The following CNTNAP2 variants were observed in gnomAD, a reference collection of about 807,000 sequenced individuals.
CNTNAP2 encodes the protein contactin associated protein 2, also known as contactin-associated protein-like 2.
In CNTNAP2, 98 loss-of-function variants were observed where a neutral mutation model predicts 155.2. That is an observed-to-expected ratio of 0.63 (90% CI 0.54 to 0.75). The LOEUF (loss-of-function observed/expected upper bound fraction) is 0.75. CNTNAP2 is among the 30% of genes least tolerant of loss of function. CNTNAP2 has a pLI of 0.00. For synonymous variants in CNTNAP2, 651 were observed against 631.2 expected (o/e 1.03, Z -0.47); for missense variants, 1,727 against 1,688.1 (o/e 1.02, Z -0.40).
At chr7:146,659,394 TAGG>T (rs1800047982) in intron 1 of CNTNAP2, among the ~76,000 whole-genome samples, 1 of 152,158 alleles carries the variant, frequency 6.6e-6, no homozygotes, top group African/African-American at 2.4e-5. Flanking sequence ...TAGAAGTTAT[TAGG>T]AGATGAAATT....
chr7:146,772,520 A>T (rs1280957632), intron 1 of CNTNAP2, among the ~76,000 whole-genome samples: 8 of 148,870 alleles, frequency 5.4e-5, no homozygotes, highest in Non-Finnish European at 1.2e-4. Flanking sequence ...AAAAAAAAAA[A>T]TAGCTGTACT....
At chr7:148,098,183 C>T (rs1478228825) in intron 15 of CNTNAP2, among the ~76,000 whole-genome samples, 6 of 152,078 alleles carry the variant, frequency 3.9e-5, no homozygotes, top group African/African-American at 1.4e-4. Flanking sequence ...CAGTGGCTCA[C>T]GCCTGTAGTC....
chr7:146,269,338 CAAAT>C lies in CNTNAP2; in HGVS notation c.97+152366_97+152369del, dbSNP rs200514831. On this transcript the variant is annotated intron_variant, in intron 1 of 23. Coordinates refer to ENST00000361727, the MANE Select transcript of CNTNAP2 (RefSeq NM_014141.6). The stretch of plus-strand genomic sequence containing the variant: ...CTGGTGACAGAGCGAGACTCCATCT[CAAAT>C]CAATCAATCAATCAATCAATCAATC... Among the ~76,000 whole-genome samples the C allele has an allele frequency of 6.5e-3, 943 of 146,014 alleles. 7 individuals carry two copies. Among genetic ancestry groups the C allele is most frequent in the Non-Finnish European group, 1.0e-2 (678 of 67,964 alleles).
At chr7:146,542,693 C>T (rs539717351) in intron 1 of CNTNAP2, among the ~76,000 whole-genome samples, 2 of 152,006 alleles carry the variant, frequency 1.3e-5, no homozygotes, top group South Asian at 4.1e-4. Flanking sequence ...AGCTGGAAGG[C>T]TTTAACTTAA....
At position 148,345,088 on chromosome 7, in the gene CNTNAP2, G is replaced by A. The variant is rs187112115; in HGVS notation, c.3476-38561G>A. On this transcript the variant is annotated intron_variant, in intron 21 of 23. Coordinates refer to ENST00000361727, the MANE Select transcript of CNTNAP2 (RefSeq NM_014141.6). ...CCAAGCCCGAGTGTGGCCAGTGGAG[G>A]GTCACTCAGAACAGCAGCAGGAATT... Among the ~76,000 whole-genome samples, 3 of 152,224 alleles carry A rather than the reference G, an allele frequency of 2.0e-5. No homozygotes were observed. The East Asian group carries it at 5.8e-4, about 29-fold the overall frequency.
chr7:146,745,565 G>A (rs934077537), intron 1 of CNTNAP2, among the ~76,000 whole-genome samples: 2 of 152,046 alleles, frequency 1.3e-5, no homozygotes, highest in African/African-American at 4.8e-5. Context: ...CCAGGAGATC[G>A]AGACCATCCT....
chr7:146,855,630 G>T (rs886275832), intron 3 of CNTNAP2, among the ~76,000 whole-genome samples: 4 of 151,656 alleles, frequency 2.6e-5, no homozygotes, highest in East Asian at 1.9e-4. Context: ...ATGAGGAAAC[G>T]TATATATGGT....
chr7:147,731,584 T>C (rs1471140715), intron 13 of CNTNAP2, among the ~76,000 whole-genome samples: 1 of 152,156 alleles, frequency 6.6e-6, no homozygotes, highest in East Asian at 1.9e-4. Context: ...AGAAGATTAA[T>C]GTTGTTTTCA....
At chr7:146,840,073 T>A (rs533727490) in intron 3 of CNTNAP2, among the ~76,000 whole-genome samples, 169 bp downstream of exon 3, 28 of 152,350 alleles carry the variant, frequency 1.8e-4, no homozygotes, top group African/African-American at 6.5e-4. Context: ...CTGTAATTTC[T>A]ATCCAATGGT....
chr7:147,544,502 G>C (rs1480889171), intron 11 of CNTNAP2, among the ~76,000 whole-genome samples: 2 of 151,940 alleles, frequency 1.3e-5, no homozygotes, highest in African/African-American at 2.4e-5. Context: ...AATTGTTATA[G>C]GCTTTCAGAA....
chr7:147,115,775 G>A (rs1221788242), intron 5 of CNTNAP2, among the ~76,000 whole-genome samples: 1 of 152,104 alleles, frequency 6.6e-6, no homozygotes, highest in Non-Finnish European at 1.5e-5. Context: ...CTTCAGTGAA[G>A]TTTGTTATTA....
intron 1 of CNTNAP2, among the ~76,000 whole-genome samples, chr7:146,690,029 TTAAGA>T (rs1405386111): frequency 6.6e-6 from 1 of 151,844 alleles, no homozygotes; most frequent in Non-Finnish European, 1.5e-5. Context: ...TATTTAAATC[TTAAGA>T]TAATTTTGCA....
rs532820418 is a variant in CNTNAP2 at position 146,760,409 on chromosome 7, C to CTTTTTTTTTTTTTTTTTTTTTTTTT, written c.98-13853_98-13829dup. ...CACCTCTGTATCATCTCCAATTTAC[C>CTTTTTTTTTTTTTTTTTTTTTTTTT]TTTTTTTTTTTTTTTTTTTTTTTTT... On this transcript the variant is annotated intron_variant, in intron 1 of 23. Transcript: ENST00000361727. Among the ~76,000 whole-genome samples the CTTTTTTTTTTTTTTTTTTTTTTTTT allele has an allele frequency of 2.8e-4, 16 of 56,298 alleles. 4 individuals carry two copies. The highest frequency in any genetic ancestry group is 2.4e-3 in the East Asian group (3 of 1,240). The allele number at this position is 56,298 out of a possible 152,430, so 36.9% of individuals were successfully genotyped here. A position where few individuals can be genotyped will look rare whatever the true frequency, so the allele number is the denominator to read the frequency against.
At chr7:146,479,974 G>C (rs1044884947) in intron 1 of CNTNAP2, among the ~76,000 whole-genome samples, 1 of 151,932 alleles carries the variant, frequency 6.6e-6, no homozygotes, top group Non-Finnish European at 1.5e-5. Context: ...TAGTAGATAC[G>C]GGGTTTCACC....
chr7:146,540,249 T>C (rs1474429748), intron 1 of CNTNAP2, among the ~76,000 whole-genome samples: 1 of 152,056 alleles, frequency 6.6e-6, no homozygotes, highest in Non-Finnish European at 1.5e-5. Flanking sequence ...TAATATAGGG[T>C]CAGAGAATGG....
chr7:147,316,020 G>T (rs1283027231), intron 9 of CNTNAP2, among the ~76,000 whole-genome samples: 2 of 151,580 alleles, frequency 1.3e-5, no homozygotes, highest in African/African-American at 4.9e-5. Flanking sequence ...TGGAGTTTTG[G>T]GTCTTTCCAC....
At chr7:146,416,911 CA>C (rs1795945798) in intron 1 of CNTNAP2, among the ~76,000 whole-genome samples, 1 of 151,974 alleles carries the variant, frequency 6.6e-6, no homozygotes, top group Non-Finnish European at 1.5e-5. Context: ...CAATAATGTG[CA>C]ACTCAAAAAA....
intron 1 of CNTNAP2, among the ~76,000 whole-genome samples, chr7:146,592,683 G>A (rs1798800762): frequency 6.6e-6 from 1 of 152,104 alleles, no homozygotes; most frequent in African/African-American, 2.4e-5. Context: ...ATCAAAATGA[G>A]GAAAGACTGC....
intron 1 of CNTNAP2, among the ~76,000 whole-genome samples, chr7:146,697,491 A>T (rs1374535992): frequency 2.6e-5 from 4 of 152,182 alleles, no homozygotes; most frequent in African/African-American, 9.6e-5. Context: ...TTCCCTTCTC[A>T]GCCTCCCAAA....
Sources: gnomAD v4.1 joint callset for allele counts (sites outside exome capture counted in the v4.1 genomes callset) on GRCh38, gnomAD v4.1.1 for gene constraint, MANE v1.5 for transcripts, NCBI Gene and HGNC (gene_info 2026-07-23, HGNC 2026-07-21) for gene names.